The following NLRC4 variants were observed in gnomAD, a reference collection of about 807,000 sequenced individuals.
NLRC4 encodes the protein NLR family CARD domain containing 4.
A neutral mutation model predicts 79.9 loss-of-function variants in NLRC4; 63 were observed. The observed-to-expected ratio is 0.79, with a 90% CI of 0.64 to 0.97. The LOEUF (loss-of-function observed/expected upper bound fraction) is 0.97. Among genes scored for constraint, NLRC4 ranks in the 50% least tolerant of loss-of-function variants. The pLI is 0.00. For missense variants in NLRC4, 1,074 were observed against 1,215.2 expected, an observed-to-expected ratio of 0.88 and a Z score of 1.73; for synonymous variants, 461 against 456.5, an observed-to-expected ratio of 1.01 and a Z score of -0.12.
At chr2:32,243,973 G>A (rs192743520) in intron 4 of NLRC4, among the ~76,000 whole-genome samples, 42 of 152,078 alleles carry the variant, frequency 2.8e-4, no homozygotes, top group Non-Finnish European at 4.4e-4. Flanking sequence ...CCAACATCCA[G>A]GCTAGGTGGC....
intron 8 of NLRC4, among the ~76,000 whole-genome samples, chr2:32,229,357 G>C (rs919123925): frequency 6.6e-6 from 1 of 152,096 alleles, no homozygotes; most frequent in African/African-American, 2.4e-5. Context: ...CCAGCTACTG[G>C]GGAGGCTGAG....
Position 32,238,296 on chromosome 2 carries a change from C to A in NLRC4, c.2357G>T (p.Gly786Val), listed in dbSNP as rs149451729. The A allele has an allele frequency of 3.8e-3, 6,079 of 1,608,440 alleles. 20 individuals are homozygous for A. Among genetic ancestry groups the A allele is most frequent in the Non-Finnish European group, 4.8e-3 (5,598 of 1,177,992 alleles). Residue 786 changes from glycine (G) to valine (V), a missense_variant, in exon 6 of 9, where the codon GGC becomes GTC. Transcript: ENST00000402280. ...ACACATCTTCTTCAGGTTTTTCAGG[C>A]CTTCAGCTGAAAAATGATAGAAAGG... The part of the protein sequence containing the change: ...NEEDAIKLAE[G>V]LKNLKKMCLF...
intron 1 of NLRC4, among the ~76,000 whole-genome samples, chr2:32,261,316 C>CCTTTTTTTTTT: frequency 5.2e-5 from 5 of 96,882 alleles, no homozygotes; most frequent in African/African-American, 2.1e-4. Flanking sequence ...AGCCTCCCCC[C>CCTTTTTTTTTT]TTTTGTTTTT....
rs1417607900 is a variant in NLRC4 at position 32,250,357 on chromosome 2, T to C, written c.1507A>G (p.Arg503Gly). Reference protein sequence around the residue: ...YTCGSSVEATRAVMKHLAAVY... With the variant: ...YTCGSSVEATGAVMKHLAAVY... ...GCTGCGAGGTGCTTCATAACAGCCC[T>C]GGTGGCTTCCACAGATGACCCACAG... The change falls in exon 4 of 9, where the codon AGG becomes GGG. Residue 503 changes from arginine to glycine, a missense_variant. Arg to Gly is a moderately radical substitution (Grantham distance 125). Coordinates refer to ENST00000402280, the MANE Select transcript of NLRC4 (RefSeq NM_001199138.2). This position sits in a 1 kb window ranked among gnomAD's most constrained non-coding sequence, Gnocchi z 4.9. The C allele has an allele frequency of 6.2e-7, 1 of 1,614,188 alleles. No individual in the cohort carries two copies. The highest frequency in any genetic ancestry group is 1.6e-4 in the Middle Eastern group (1 of 6,062).
chr2:32,243,459 C>G (rs1455554354), intron 4 of NLRC4, among the ~76,000 whole-genome samples: 2 of 151,766 alleles, frequency 1.3e-5, no homozygotes, highest in African/African-American at 4.8e-5. Context: ...TTCATGAATA[C>G]AGAATCAAAA....
rs763792707 is a variant in NLRC4, at chr2:32,235,383, C to A, written c.2782+18G>T. 5 of 1,601,498 alleles carry A rather than the reference C, an allele frequency of 3.1e-6. No homozygotes were observed. The Admixed American group carries it at 8.3e-5, about 27-fold the overall frequency. The stretch of plus-strand genomic sequence containing the variant: ...AGGGCCAAATCCAGTTATCTTGGCT[C>A]TGTATGTGTGTACCTACCTAAAATT... On this transcript the variant is annotated intron_variant, in intron 8 of 8. Coordinates refer to ENST00000402280, the MANE Select transcript of NLRC4 (RefSeq NM_001199138.2).
intron 8 of NLRC4, 37 bp from the exon 9 acceptor site, chr2:32,224,802 ATTTTTT>A (rs3832075): frequency 6.1e-6 from 7 of 1,154,536 alleles, no homozygotes; most frequent in African/African-American, 5.2e-5. Flanking sequence ...TGGAAGAAAA[ATTTTTT>A]TTAAAAAAAA....
At chr2:32,237,198 C>T (rs1269335104) in intron 6 of NLRC4, among the ~76,000 whole-genome samples, 1 of 152,050 alleles carries the variant, frequency 6.6e-6, no homozygotes, top group Non-Finnish European at 1.5e-5. Flanking sequence ...GAAAAATCTC[C>T]TTTTTAAAAA....
At chr2:32,264,065 T>C (rs1346685611) in intron 1 of NLRC4, among the ~76,000 whole-genome samples, 1 of 152,168 alleles carries the variant, frequency 6.6e-6, no homozygotes, top group African/African-American at 2.4e-5. Flanking sequence ...ACTTGGGAGA[T>C]TGGATGGACT....
At chr2:32,247,243 G>T (rs1686957611) in intron 4 of NLRC4, among the ~76,000 whole-genome samples, 1 of 152,154 alleles carries the variant, frequency 6.6e-6, no homozygotes. Context: ...GTATTGGGTA[G>T]AGATGGGGGT....
chr2:32,261,055 T>TG (rs763126500), intron 1 of NLRC4, among the ~76,000 whole-genome samples: 141 of 151,362 alleles, frequency 9.3e-4, no homozygotes, highest in Non-Finnish European at 1.2e-3. Flanking sequence ...TAGCCAGGCG[T>TG]GGTGGTGGGC....
chr2:32,254,048 T>G (rs1001769558), intron 2 of NLRC4, among the ~76,000 whole-genome samples: 1 of 151,780 alleles, frequency 6.6e-6, no homozygotes, highest in East Asian at 1.9e-4. Flanking sequence ...CCCTAATTTG[T>G]AGCATTCACC....
intron 3 of NLRC4, 86 bp from the exon 4 acceptor site, chr2:32,251,687 G>C: frequency 5.5e-6 from 5 of 901,626 alleles, no homozygotes; most frequent in Non-Finnish European, 8.7e-6. Flanking sequence ...GGGGGGGTGA[G>C]GCTGAGAATC....
rs1178745050 is a variant in NLRC4 at position 32,258,885 on chromosome 2, A to G, written c.-118-1992T>C. ...GATGATCTACCCCGGCTCCTCATAC[A>G]CACATACACGACCCCCTGCATCAGG... On this transcript the variant is annotated intron_variant, in intron 1 of 8. Transcript: ENST00000402280. Among the ~76,000 whole-genome samples, 4 of 152,218 alleles carry G rather than the reference A, an allele frequency of 2.6e-5. No individual in the cohort carries two copies. In the East Asian group the frequency reaches 7.7e-4, roughly 29 times the overall value.
At chr2:32,256,998 C>A in intron 1 of NLRC4, 105 bp from the exon 2 acceptor site, 1 of 492,120 alleles carries the variant, frequency 2.0e-6, no homozygotes, top group Non-Finnish European at 3.6e-6. Flanking sequence ...GTGACCCAAA[C>A]CAGAAAAAAA....
chr2:32,235,561 C>A lies in NLRC4; in HGVS notation c.2622G>T (p.Arg874Ser). The A allele has an allele frequency of 1.2e-6, 2 of 1,613,214 alleles. No homozygotes were observed. Among genetic ancestry groups the A allele is most frequent in the African/African-American group, 1.3e-5 (1 of 75,038 alleles). The change falls in exon 8 of 9, where the codon AGG becomes AGT. Residue 874 changes from arginine to serine, a missense_variant. Coordinates refer to ENST00000402280, the MANE Select transcript of NLRC4 (RefSeq NM_001199138.2). ...CGGTGAGCTGTTCTAGCACGTTCAT[C>A]CTGTCGACTGGAAGAAACAAAGAGC... ...GNEALHELID[R>S]MNVLEQLTAL...
At chr2:32,242,934 G>A (rs574137851) in intron 4 of NLRC4, among the ~76,000 whole-genome samples, 7 of 152,026 alleles carry the variant, frequency 4.6e-5, no homozygotes, top group Non-Finnish European at 8.8e-5. Context: ...AGTAGTCCTG[G>A]CTACTCAGGA....
intron 4 of NLRC4, among the ~76,000 whole-genome samples, chr2:32,244,882 GGAA>G (rs529258318): frequency 1.6e-4 from 24 of 150,716 alleles, no homozygotes; most frequent in Middle Eastern, 3.4e-3. Flanking sequence ...GGAAGGGAGA[GGAA>G]GAAGGAGGAG....
chr2:32,240,953 A>T, intron 5 of NLRC4, 80 bp downstream of exon 5: 1 of 850,194 alleles, frequency 1.2e-6, no homozygotes, highest in Non-Finnish European at 2.0e-6. Flanking sequence ...TTGTGCAGAC[A>T]CAGCCAATGT....
Sources: gnomAD v4.1 joint callset for allele counts (sites outside exome capture counted in the v4.1 genomes callset) on GRCh38, gnomAD v4.1.1 for gene constraint, Gnocchi (gnomAD v3.1) non-coding constraint, MANE v1.5 for transcripts, NCBI Gene and HGNC (gene_info 2026-07-23, HGNC 2026-07-21) for gene names.